The following CLIC4 variants were observed in gnomAD, a reference collection of about 807,000 sequenced individuals.
CLIC4 encodes the protein chloride intracellular channel protein 4.
A neutral mutation model predicts 24.6 loss-of-function variants in CLIC4; 13 were observed. The observed-to-expected ratio is 0.53, with a 90% CI of 0.34 to 0.84. The LOEUF is 0.84. Ranked by LOEUF, CLIC4 falls within the 40% of genes least tolerant of loss-of-function variation. The probability of loss-of-function intolerance (pLI) is 0.01; values close to 1 mark genes in which losing one functional copy is unlikely to be tolerated. For synonymous variants in CLIC4, 104 were observed against 111.3 expected (o/e 0.93, Z 0.41); for missense variants, 227 against 301.7 (o/e 0.75, Z 1.83).
At chr1:24,838,714 A>ATAAT (rs372053139) in intron 4 of CLIC4, among the ~76,000 whole-genome samples, 47 of 152,312 alleles carry the variant, frequency 3.1e-4, no homozygotes, top group African/African-American at 1.1e-3. Context: ...ATAAGAAAGG[A>ATAAT]TAATAGAAGA....
chr1:24,806,991 C>T (rs890452245), intron 2 of CLIC4, among the ~76,000 whole-genome samples: 1 of 152,096 alleles, frequency 6.6e-6, no homozygotes, highest in Non-Finnish European at 1.5e-5. Flanking sequence ...TTTTCTCCCT[C>T]TCCCAATAAA....
At chr1:24,795,117 A>G (rs1639383253) in intron 1 of CLIC4, among the ~76,000 whole-genome samples, 1 of 152,152 alleles carries the variant, frequency 6.6e-6, no homozygotes, top group Admixed American at 6.5e-5. Flanking sequence ...TAATCTGTAC[A>G]ACAAACTCCT....
At chr1:24,757,408 A>C in intron 1 of CLIC4, among the ~76,000 whole-genome samples, 1 of 152,322 alleles carries the variant, frequency 6.6e-6, no homozygotes, top group South Asian at 2.1e-4. Flanking sequence ...TTGGAAGTAG[A>C]GAACAGGTGG....
intron 3 of CLIC4, among the ~76,000 whole-genome samples, chr1:24,817,031 G>A (rs751806236): frequency 1.1e-4 from 17 of 152,218 alleles, no homozygotes; most frequent in Admixed American, 2.0e-4. Flanking sequence ...AACAGAGTCA[G>A]CCTGTCCTTT....
chr1:24,764,152 T>C (rs1204041954), intron 1 of CLIC4, among the ~76,000 whole-genome samples: 2 of 152,158 alleles, frequency 1.3e-5, no homozygotes, highest in Non-Finnish European at 2.9e-5. Flanking sequence ...CAGGCTGGAG[T>C]GCAATGGCAC....
intron 2 of CLIC4, among the ~76,000 whole-genome samples, chr1:24,799,020 C>T (rs1639440022): frequency 6.6e-6 from 1 of 152,248 alleles, no homozygotes; most frequent in African/African-American, 2.4e-5. Context: ...AGCCGTCTGC[C>T]TTGGCCTCCC....
intron 2 of CLIC4, among the ~76,000 whole-genome samples, chr1:24,808,989 A>G (rs1414395529): frequency 6.6e-6 from 1 of 152,042 alleles, no homozygotes; most frequent in Non-Finnish European, 1.5e-5. Context: ...TTTAAAAAAT[A>G]TTTTTGATCC....
intron 1 of CLIC4, among the ~76,000 whole-genome samples, chr1:24,780,649 A>T (rs1436738133): frequency 6.6e-6 from 1 of 152,238 alleles, no homozygotes; most frequent in Non-Finnish European, 1.5e-5. Context: ...TGTTAAATAC[A>T]TGGTATAGGC....
intron 1 of CLIC4, among the ~76,000 whole-genome samples, chr1:24,763,009 A>C (rs1197991721): frequency 6.6e-6 from 1 of 152,188 alleles, no homozygotes; most frequent in Admixed American, 6.5e-5. Flanking sequence ...CACCTATTCC[A>C]CTAGGTCCCC....
At chr1:24,781,711 AGGCTGGAGTGCAGTGGCGCGATCTC>A (rs1639207728) in intron 1 of CLIC4, among the ~76,000 whole-genome samples, 2 of 151,196 alleles carry the variant, frequency 1.3e-5, no homozygotes, top group South Asian at 4.2e-4. Flanking sequence ...ACTGTTGCAC[AGGCTGGAGTGCAGTGGCGCGATCTC>A]GGCTCACCAC....
chr1:24,789,100 T>C (rs927278043), intron 1 of CLIC4, among the ~76,000 whole-genome samples: 1 of 152,228 alleles, frequency 6.6e-6, no homozygotes, highest in African/African-American at 2.4e-5. Context: ...TATTCCTCTC[T>C]CTTGTATCTT....
intron 4 of CLIC4, among the ~76,000 whole-genome samples, chr1:24,838,901 T>C (rs1639911898): frequency 6.6e-6 from 1 of 152,040 alleles, no homozygotes. Flanking sequence ...ATCATGACAA[T>C]CAGAATCATG....
intron 1 of CLIC4, among the ~76,000 whole-genome samples, 178 bp from the exon 2 acceptor site, chr1:24,797,562 GAA>G (rs71032862): frequency 1.6e-5 from 2 of 124,980 alleles, no homozygotes; most frequent in Admixed American, 8.0e-5. Flanking sequence ...CTCAAAAAAA[GAA>G]AAAAAAAAAA....
intron 1 of CLIC4, among the ~76,000 whole-genome samples, chr1:24,753,370 T>C (rs1638803796): frequency 6.6e-6 from 1 of 152,210 alleles, no homozygotes; most frequent in Admixed American, 6.5e-5. Flanking sequence ...TCTTTAGGTT[T>C]ACAAATTTTA....
intron 2 of CLIC4, among the ~76,000 whole-genome samples, chr1:24,806,035 G>C (rs895647164): frequency 2.6e-5 from 4 of 152,172 alleles, no homozygotes; most frequent in Non-Finnish European, 5.9e-5. Context: ...CTGTTGCAAG[G>C]CATGAGTTCT....
At chr1:24,776,648 A>G (rs1174332047) in intron 1 of CLIC4, among the ~76,000 whole-genome samples, 2 of 152,234 alleles carry the variant, frequency 1.3e-5, no homozygotes, top group African/African-American at 4.8e-5. Flanking sequence ...ACTTTTGAAA[A>G]TGCTGAGTTT....
At position 24,751,732 on chromosome 1, in the gene CLIC4, C is replaced by T. The variant is rs1469501545; in HGVS notation, c.72+6107C>T. Among the ~76,000 whole-genome samples the T allele has an allele frequency of 3.9e-5, 6 of 152,272 alleles. No individual in the cohort carries two copies. The East Asian group carries it at 5.8e-4, about 15-fold the overall frequency. On this transcript the variant is annotated intron_variant, in intron 1 of 5. Transcript: ENST00000374379. ...TACAAAAATTAGCCGGTCGTGGTGG[C>T]GGGCGCCTGTAATCCCGGCTACTCG...
rs193217181 is a variant in CLIC4, at chr1:24,747,361, C to T, written c.72+1736C>T. On this transcript the variant is annotated intron_variant, in intron 1 of 5. Transcript: ENST00000374379. ...CCATCCTGGCCAACATGGTGAAACC[C>T]CATCTCTACTAAAAATACAAAAATT... Among the ~76,000 whole-genome samples, 922 of 151,286 alleles carry T rather than the reference C, an allele frequency of 6.1e-3. 11 individuals carry two copies. The highest frequency in any genetic ancestry group is 0.021 in the African/African-American group (886 of 41,284).
At chr1:24,763,018 C>T (rs1024925027) in intron 1 of CLIC4, among the ~76,000 whole-genome samples, 1 of 152,128 alleles carries the variant, frequency 6.6e-6, no homozygotes, top group Admixed American at 6.5e-5. Flanking sequence ...CACTAGGTCC[C>T]CCTCAGTGGT....
Sources: gnomAD v4.1 joint callset for allele counts (sites outside exome capture counted in the v4.1 genomes callset) on GRCh38, gnomAD v4.1.1 for gene constraint, MANE v1.5 for transcripts, NCBI Gene and HGNC (gene_info 2026-07-23, HGNC 2026-07-21) for gene names.